Variants in ARHGEF3 observed in about 807,000 individuals in gnomAD.
ARHGEF3 encodes the protein Rho guanine nucleotide exchange factor 3.
A neutral mutation model predicts 63.2 loss-of-function variants in ARHGEF3; 28 were observed. The observed-to-expected ratio is 0.44, with a 90% CI of 0.33 to 0.61. The LOEUF is 0.61. Among genes scored for constraint, ARHGEF3 ranks in the 20% least tolerant of loss-of-function variants. The pLI, the probability that ARHGEF3 is intolerant of heterozygous loss-of-function variation, is 0.03. For synonymous variants in ARHGEF3, 266 were observed against 254.2 expected, an observed-to-expected ratio of 1.05 and a Z score of -0.44; for missense variants, 533 against 659.3, an observed-to-expected ratio of 0.81 and a Z score of 2.10.
At chr3:56,759,581 G>C (rs1185399495) in intron 2 of ARHGEF3, among the ~76,000 whole-genome samples, 2 of 152,140 alleles carry the variant, frequency 1.3e-5, no homozygotes, top group African/African-American at 2.4e-5. Flanking sequence ...GCCCATACTG[G>C]AGTGCAGTGG....
intron 3 of ARHGEF3, among the ~76,000 whole-genome samples, chr3:56,912,491 C>T (rs181388948): frequency 6.6e-6 from 1 of 152,312 alleles, no homozygotes; most frequent in African/African-American, 2.4e-5. Flanking sequence ...GAAACCTGAT[C>T]CACTACTTAA....
chr3:56,788,133 C>A (rs1440792557), intron 1 of ARHGEF3, among the ~76,000 whole-genome samples: 1 of 152,142 alleles, frequency 6.6e-6, no homozygotes, highest in Non-Finnish European at 1.5e-5. Context: ...TTAGTGAGCC[C>A]AGGTTCAAAG....
chr3:57,057,756 G>C (rs1218408064), intron 1 of ARHGEF3, among the ~76,000 whole-genome samples: 1 of 152,164 alleles, frequency 6.6e-6, no homozygotes, highest in East Asian at 1.9e-4. Context: ...ACTCAACCCA[G>C]TGAAGCGAAC....
chr3:56,955,777 CCTT>C (rs1394386212), intron 3 of ARHGEF3, among the ~76,000 whole-genome samples: 2 of 152,204 alleles, frequency 1.3e-5, no homozygotes, highest in African/African-American at 2.4e-5. Context: ...CATTCTGCAT[CCTT>C]CTCGTTCTTC....
chr3:56,737,606 C>T (rs532533844), intron 7 of ARHGEF3, among the ~76,000 whole-genome samples: 1 of 151,956 alleles, frequency 6.6e-6, no homozygotes, highest in South Asian at 2.1e-4. Context: ...ATATATAAAA[C>T]TAATATTGAT....
intron 6 of ARHGEF3, among the ~76,000 whole-genome samples, chr3:56,747,097 A>T (rs1167987317): frequency 7.1e-6 from 1 of 140,168 alleles, no homozygotes; most frequent in Non-Finnish European, 1.6e-5. Context: ...AGAGAGAGAG[A>T]ACCCAAACGT....
rs189291248 is a variant in ARHGEF3, at chr3:56,934,835, G to A, written c.129+23988C>T. ...GCACCCAGTCCCATCGACCACCCAA[G>A]GGCTGAGGAGCGCGAGCACACGGCG... On this transcript the variant is annotated intron_variant, in intron 3 of 12. Coordinates refer to the ARHGEF3 transcript ENST00000338458. 2.3e-3 allele frequency among the ~76,000 whole-genome samples: 347 copies of A among 152,376 alleles called. 4 individuals are homozygous for A. Among genetic ancestry groups the A allele is most frequent in the African/African-American group, 8.0e-3 (331 of 41,598 alleles).
In ARHGEF3 at chr3:56,741,496, C is replaced by CTTT. The variant is rs71072191; in HGVS notation, c.870+3706_870+3708dup. Among the ~76,000 whole-genome samples, 39 of 50,540 alleles carry CTTT rather than the reference C, an allele frequency of 7.7e-4. 4 individuals are homozygous for CTTT. Among genetic ancestry groups the CTTT allele is most frequent in the East Asian group, 4.0e-3 (6 of 1,492 alleles). 33.2% of individuals were successfully genotyped at this position (50,540 alleles called of 152,430 possible). A position where few individuals can be genotyped will look rare whatever the true frequency, so the allele number is the denominator to read the frequency against. On this transcript the variant is annotated intron_variant, in intron 7 of 9. Coordinates refer to ENST00000296315, the MANE Select transcript of ARHGEF3 (RefSeq NM_019555.3). ...ACTGCTCCTGGCCTCTACATTGGTT[C>CTTT]TTTTTTTTTTTTTTTTTTTTTTTTT...
At chr3:57,055,547 TC>T (rs2107321209) in intron 1 of ARHGEF3, among the ~76,000 whole-genome samples, 1 of 152,312 alleles carries the variant, frequency 6.6e-6, no homozygotes, top group East Asian at 1.9e-4. Flanking sequence ...TTCTAGAAAC[TC>T]CATTGATTTG....
chr3:57,024,562 A>G (rs1703393850), intron 2 of ARHGEF3, among the ~76,000 whole-genome samples: 1 of 152,040 alleles, frequency 6.6e-6, no homozygotes. Flanking sequence ...ATCTCGGCTC[A>G]CTGCAAGCGC....
At chr3:56,808,139 A>T (rs998141954) in intron 4 of ARHGEF3, among the ~76,000 whole-genome samples, 1 of 151,588 alleles carries the variant, frequency 6.6e-6, no homozygotes, top group Non-Finnish European at 1.5e-5. Context: ...AAAAAAAAAA[A>T]AGTATCCCCG....
At chr3:56,966,868 A>T (rs993948514) in intron 2 of ARHGEF3, among the ~76,000 whole-genome samples, 41 of 148,686 alleles carry the variant, frequency 2.8e-4, no homozygotes, top group Admixed American at 1.7e-3. Flanking sequence ...TATTATTATT[A>T]TTATTTTTTA....
At chr3:57,012,406 C>A (rs1264117239) in intron 2 of ARHGEF3, among the ~76,000 whole-genome samples, 1 of 152,092 alleles carries the variant, frequency 6.6e-6, no homozygotes. Context: ...TTACTGGTGC[C>A]CGCCATGACA....
intron 2 of ARHGEF3, among the ~76,000 whole-genome samples, chr3:56,766,800 G>T (rs765279784): frequency 1.3e-5 from 2 of 152,198 alleles, no homozygotes; most frequent in Non-Finnish European, 2.9e-5. Context: ...AAGCCTTGCC[G>T]TATCAACGGC....
At chr3:56,968,057 A>AT (rs1306124618) in intron 2 of ARHGEF3, among the ~76,000 whole-genome samples, 8 of 32,740 alleles carry the variant, frequency 2.4e-4, no homozygotes, top group South Asian at 2.1e-3. Flanking sequence ...TATATAATAT[A>AT]TATAATATAT....
intron 3 of ARHGEF3, among the ~76,000 whole-genome samples, chr3:56,917,594 G>A (rs1012724915): frequency 2.6e-5 from 4 of 152,172 alleles, no homozygotes; most frequent in African/African-American, 9.7e-5. Flanking sequence ...TGCAAAAAGT[G>A]CTGAGGGGTC....
chr3:56,920,574 A>G (rs2042099147), intron 3 of ARHGEF3, among the ~76,000 whole-genome samples: 1 of 152,254 alleles, frequency 6.6e-6, no homozygotes, highest in African/African-American at 2.4e-5. Flanking sequence ...GCAAGCAACG[A>G]TGATTCTTTC....
At chr3:56,923,324 A>G (rs2042200125) in intron 3 of ARHGEF3, among the ~76,000 whole-genome samples, 1 of 141,332 alleles carries the variant, frequency 7.1e-6, no homozygotes, top group African/African-American at 2.5e-5. Context: ...AATATTTTTT[A>G]AAAGACAAAG....
chr3:56,838,230 G>A lies in ARHGEF3; in HGVS notation c.192+44062C>T, dbSNP rs188550324. On this transcript the variant is annotated intron_variant, in intron 4 of 12. Transcript: ENST00000338458. ...TTGTAAAGTATGTAAAAAATACTGTGGGGGGGAATAATTAAAAATTTTACA... is the reference window on the plus strand; with the variant it reads ...TTGTAAAGTATGTAAAAAATACTGTAGGGGGGAATAATTAAAAATTTTACA... 2.6e-5 allele frequency among the ~76,000 whole-genome samples: 4 copies of A among 152,060 alleles called. No homozygotes were observed. In the East Asian group the frequency reaches 5.8e-4, roughly 22 times the overall value.
Sources: gnomAD v4.1 joint callset for allele counts (sites outside exome capture counted in the v4.1 genomes callset) on GRCh38, gnomAD v4.1.1 for gene constraint, MANE v1.5 for transcripts, NCBI Gene and HGNC (gene_info 2026-07-23, HGNC 2026-07-21) for gene names.